The following RGS6 variants were observed in gnomAD, a reference collection of about 807,000 sequenced individuals.
RGS6 encodes regulator of G protein signaling 6, also known as regulator of G-protein signaling 6.
A neutral mutation model predicts 78.5 loss-of-function variants in RGS6; 30 were observed. The ratio of observed to expected loss-of-function variants is 0.38; its 90% CI spans 0.29 to 0.52. The LOEUF (loss-of-function observed/expected upper bound fraction) is 0.52. Among genes scored for constraint, RGS6 ranks in the 20% least tolerant of loss-of-function variants. RGS6 has a pLI of 0.85. For missense variants in RGS6, 495 were observed against 609.7 expected, an observed-to-expected ratio of 0.81 and a Z score of 1.98; for synonymous variants, 206 against 206.0, an observed-to-expected ratio of 1.00 and a Z score of 0.00.
intron 2 of RGS6, among the ~76,000 whole-genome samples, chr14:72,068,427 A>C (rs2094260179): frequency 6.6e-6 from 1 of 150,858 alleles, no homozygotes; most frequent in Non-Finnish European, 1.5e-5. Flanking sequence ...GAGCCACTGC[A>C]TCTGGCCGAA....
chr14:72,555,828 A>G (rs1280641078), intron 17 of RGS6, among the ~76,000 whole-genome samples: 1 of 152,264 alleles, frequency 6.6e-6, no homozygotes, highest in African/African-American at 2.4e-5. Context: ...TGCTTGACAG[A>G]CACACAATAG....
intron 2 of RGS6, among the ~76,000 whole-genome samples, chr14:72,284,617 A>C (rs569586847): frequency 3.9e-5 from 6 of 152,162 alleles, no homozygotes; most frequent in Admixed American, 2.0e-4. Context: ...CTCATGGAGA[A>C]CCCTTTGCTA....
At chr14:72,621,827 C>T in the RGS6 span, among the ~76,000 whole-genome samples, 3 of 152,112 alleles carry the variant, frequency 2.0e-5, no homozygotes, top group African/African-American at 4.8e-5. Flanking sequence ...CCAAGGATGC[C>T]GTCTGGGTTG....
intron 2 of RGS6, among the ~76,000 whole-genome samples, chr14:71,995,688 C>T (rs2095170898): frequency 6.6e-6 from 1 of 152,114 alleles, no homozygotes; most frequent in African/African-American, 2.4e-5. Flanking sequence ...TGAAATGTTC[C>T]CTTATATTCT....
intron 3 of RGS6, among the ~76,000 whole-genome samples, chr14:72,372,546 A>G (rs2083723901): frequency 6.6e-6 from 1 of 152,228 alleles, no homozygotes; most frequent in African/African-American, 2.4e-5. Context: ...GTTGACTATC[A>G]AAATTGTCTA....
At chr14:72,127,298 G>A (rs1031418412) in intron 2 of RGS6, among the ~76,000 whole-genome samples, 5 of 152,116 alleles carry the variant, frequency 3.3e-5, no homozygotes, top group Non-Finnish European at 5.9e-5. Flanking sequence ...AGTATGAATT[G>A]TTACCTTTAC....
intron 3 of RGS6, among the ~76,000 whole-genome samples, chr14:72,364,869 C>T (rs1194202432): frequency 1.3e-5 from 2 of 152,202 alleles, no homozygotes; most frequent in East Asian, 1.9e-4. Context: ...CCCAGTGCAT[C>T]CAAGACTCTG....
intron 2 of RGS6, among the ~76,000 whole-genome samples, chr14:72,271,147 C>G (rs887564392): frequency 6.6e-6 from 1 of 152,104 alleles, no homozygotes; most frequent in African/African-American, 2.4e-5. Context: ...CTCGTTTCAC[C>G]ACTGTATTAA....
chr14:71,871,512 C>T, the RGS6 span, among the ~76,000 whole-genome samples: 48,336 of 151,818 alleles, frequency 0.32, 7,940 homozygotes, highest in South Asian at 0.41. Flanking sequence ...ATTTTTTTCC[C>T]TCTTTTGAAA....
chr14:72,579,875 C>T, the RGS6 span, among the ~76,000 whole-genome samples: 2 of 152,090 alleles, frequency 1.3e-5, no homozygotes, highest in East Asian at 1.9e-4. Flanking sequence ...TGGACTGGGG[C>T]CATCAGGAAA....
rs139196895 is a variant in RGS6, at chr14:72,261,745, T to G, written c.85-90350T>G. Among the ~76,000 whole-genome samples the G allele has an allele frequency of 7.6e-4, 115 of 151,948 alleles. 1 individual carries two copies. In the East Asian group the frequency reaches 0.012, roughly 15 times the overall value. ...TGTATTATAACCATTTTTGGGGGGG[T>G]TTGGTGCTTCTTGTTCAAAATTGAA... On this transcript the variant is annotated intron_variant, in intron 2 of 17. Transcript: ENST00000553525.
chr14:72,443,986 A>C lies in RGS6; in HGVS notation c.185-10542A>C, dbSNP rs112455118. On this transcript the variant is annotated intron_variant, in intron 3 of 17. Coordinates refer to ENST00000553525, the MANE Select transcript of RGS6 (RefSeq NM_001204424.2). ...AGCCCATACCCAGCCTCCATTTAAT[A>C]AGCTGATTGTTGAGCTAAATCCCGC... Among the ~76,000 whole-genome samples, 121 of 152,226 alleles carry C rather than the reference A, an allele frequency of 7.9e-4. 1 individual carries two copies. The highest frequency in any genetic ancestry group is 2.6e-3 in the African/African-American group (110 of 41,542).
intron 2 of RGS6, among the ~76,000 whole-genome samples, chr14:72,295,073 C>G (rs1355313901): frequency 6.6e-6 from 1 of 151,956 alleles, no homozygotes; most frequent in Non-Finnish European, 1.5e-5. Flanking sequence ...GGGCGGATCA[C>G]GAGGTCAGGA....
At chr14:71,957,588 G>A (rs915816291) in intron 1 of RGS6, among the ~76,000 whole-genome samples, 3 of 152,080 alleles carry the variant, frequency 2.0e-5, no homozygotes, top group Admixed American at 2.0e-4. Flanking sequence ...GGGGTTTCCA[G>A]AGCAGCGTGG....
chr14:72,038,639 A>T (rs901517656), intron 2 of RGS6, among the ~76,000 whole-genome samples: 1 of 152,168 alleles, frequency 6.6e-6, no homozygotes, highest in African/African-American at 2.4e-5. Flanking sequence ...TAAGTATTTC[A>T]ATTTTTTGGA....
Position 72,023,692 on chromosome 14 carries a change from A to G in RGS6, c.84+58817A>G, listed in dbSNP as rs115558449. ...GCTAAAACTTCCAAAACAGAAACTG[A>G]ATGACATCCTCTTCCTAATTCAAGC... is the stretch of plus-strand genomic sequence containing the variant. On this transcript the variant is annotated intron_variant, in intron 2 of 17. Transcript: ENST00000553525. Among the ~76,000 whole-genome samples, 422 of 152,334 alleles carry G rather than the reference A, an allele frequency of 2.8e-3. 1 individual carries two copies. The highest frequency in any genetic ancestry group is 9.5e-3 in the African/African-American group (395 of 41,568).
the RGS6 span, among the ~76,000 whole-genome samples, chr14:72,582,688 G>A: frequency 6.6e-6 from 1 of 151,984 alleles, no homozygotes; most frequent in Non-Finnish European, 1.5e-5. Context: ...TCTTATCACC[G>A]ACCCAAAGGA....
chr14:72,529,850 G>A lies in RGS6; in HGVS notation c.1279-6336G>A, dbSNP rs149208505. Among the ~76,000 whole-genome samples the A allele has an allele frequency of 6.6e-5, 10 of 152,308 alleles. No homozygotes were observed. The East Asian group carries it at 1.5e-3, about 23-fold the overall frequency. On this transcript the variant is annotated intron_variant, in intron 15 of 17. Coordinates refer to ENST00000553525, the MANE Select transcript of RGS6 (RefSeq NM_001204424.2). ...GCCCTTAGCTGAATTGGCTAAATGCGTCTCTGTGCAAAGTCTATCTTGCCT... is the reference window on the plus strand; with the variant it reads ...GCCCTTAGCTGAATTGGCTAAATGCATCTCTGTGCAAAGTCTATCTTGCCT...
chr14:72,489,731 A>AAGGCGAGGTGAGACG (rs763673722), intron 12 of RGS6, among the ~76,000 whole-genome samples: 3 of 151,236 alleles, frequency 2.0e-5, no homozygotes, highest in Non-Finnish European at 4.4e-5. Context: ...AAGGAGAGGC[A>AAGGCGAGGTGAGACG]AGGCGAGGTG....
Sources: gnomAD v4.1 joint callset for allele counts (sites outside exome capture counted in the v4.1 genomes callset) on GRCh38, gnomAD v4.1.1 for gene constraint, MANE v1.5 for transcripts, NCBI Gene and HGNC (gene_info 2026-07-23, HGNC 2026-07-21) for gene names.